The following DLGAP1 variants were observed in gnomAD, a reference collection of about 807,000 sequenced individuals.
The protein encoded by DLGAP1 is DLG associated protein 1.
A neutral mutation model predicts 90.8 loss-of-function variants in DLGAP1; 11 were observed. That is an observed-to-expected ratio of 0.12 (90% CI 0.08 to 0.20). DLGAP1 has a LOEUF of 0.20. Ranked by LOEUF, DLGAP1 falls within the 10% of genes least tolerant of loss-of-function variation. DLGAP1 has a pLI of 1.00. For synonymous variants in DLGAP1, 558 were observed against 540.7 expected (o/e 1.03, Z -0.44); for missense variants, 1,050 against 1,333.8 (o/e 0.79, Z 3.31).
intron 1 of DLGAP1, among the ~76,000 whole-genome samples, chr18:4,344,327 C>T (rs1465433570): frequency 6.6e-6 from 1 of 151,910 alleles, no homozygotes; most frequent in East Asian, 1.9e-4. Context: ...GTAATTTGAC[C>T]AATATCGCGA....
chr18:4,436,213 T>TC, intron 1 of DLGAP1, among the ~76,000 whole-genome samples: 1 of 152,140 alleles, frequency 6.6e-6, no homozygotes, highest in East Asian at 1.9e-4. Flanking sequence ...CTTTTTTCTT[T>TC]TTTTTCTCAT....
chr18:4,137,122 T>G (rs2076417417), intron 2 of DLGAP1, among the ~76,000 whole-genome samples: 1 of 152,136 alleles, frequency 6.6e-6, no homozygotes, highest in African/African-American at 2.4e-5. Context: ...CATTGTTGAA[T>G]TCCCACCTAT....
intron 1 of DLGAP1, among the ~76,000 whole-genome samples, chr18:4,252,701 C>T (rs1045187939): frequency 3.3e-5 from 5 of 152,066 alleles, no homozygotes; most frequent in South Asian, 2.1e-4. Flanking sequence ...CAATTTCGAC[C>T]GTAATAATTT....
intron 3 of DLGAP1, among the ~76,000 whole-genome samples, chr18:3,897,560 T>G (rs376409896): frequency 1.3e-5 from 2 of 152,194 alleles, no homozygotes; most frequent in South Asian, 4.1e-4. Flanking sequence ...ATATTGTGTA[T>G]AAAATGTTGA....
intron 2 of DLGAP1, among the ~76,000 whole-genome samples, chr18:4,147,984 G>T (rs895391029): frequency 6.6e-6 from 1 of 152,180 alleles, no homozygotes; most frequent in African/African-American, 2.4e-5. Context: ...CAGAACAGGG[G>T]TGTCCGAGGG....
In DLGAP1 at chr18:3,502,478, T is replaced by G. The variant is rs2143626834; in HGVS notation, c.2724+15A>C. 1 of 1,613,988 alleles carries G rather than the reference T, an allele frequency of 6.2e-7. No individual in the cohort carries two copies. The highest frequency in any genetic ancestry group is 1.7e-5 in the Admixed American group (1 of 60,020). ...AGGTTTTTAAATGAACCATACAAAA[T>G]CTACATTGTTCTACCTTCTTGTCAA... On this transcript the variant is annotated intron_variant, in intron 12 of 12. Transcript: ENST00000315677.
rs77200416 is a variant in DLGAP1 at position 4,260,571 on chromosome 18, T to C, written c.-266-109284A>G. Reference sequence around the variant, plus strand: ...CATTTTAATTTATTATAACGAAAGATATATTAAATATAAATGAATATCTCA... The same window carrying C: ...CATTTTAATTTATTATAACGAAAGACATATTAAATATAAATGAATATCTCA... On this transcript the variant is annotated intron_variant, in intron 1 of 12. Transcript: ENST00000315677. Among the ~76,000 whole-genome samples the C allele has an allele frequency of 5.1e-3, 775 of 152,324 alleles. 7 individuals carry two copies. The highest frequency in any genetic ancestry group is 0.018 in the African/African-American group (740 of 41,572).
At chr18:3,874,282 G>A (rs1239526952) in intron 4 of DLGAP1, 3 of 1,548,410 alleles carry the variant, frequency 1.9e-6, no homozygotes, top group Admixed American at 2.0e-5. Flanking sequence ...GGTCTGTCTT[G>A]CTCTCTCTCT....
intron 1 of DLGAP1, among the ~76,000 whole-genome samples, chr18:4,322,854 AG>A (rs2080725200): frequency 6.9e-6 from 1 of 145,826 alleles, no homozygotes; most frequent in South Asian, 2.3e-4. Flanking sequence ...CCAGTTACTC[AG>A]GAGGCTGAGA....
intron 3 of DLGAP1, among the ~76,000 whole-genome samples, chr18:3,941,792 A>G (rs2072774584): frequency 1.3e-5 from 2 of 152,130 alleles, no homozygotes; most frequent in Admixed American, 6.5e-5. Context: ...AGTTCACTGC[A>G]GCCTCCACCT....
At chr18:4,336,264 A>G (rs2081065663) in intron 1 of DLGAP1, among the ~76,000 whole-genome samples, 1 of 152,228 alleles carries the variant, frequency 6.6e-6, no homozygotes, top group African/African-American at 2.4e-5. Flanking sequence ...TTCCAGGTTG[A>G]CCAATCATAT....
At chr18:4,452,702 G>A (rs1230841251) in intron 1 of DLGAP1, among the ~76,000 whole-genome samples, 2 of 152,086 alleles carry the variant, frequency 1.3e-5, no homozygotes, top group Non-Finnish European at 1.5e-5. Flanking sequence ...TTCACTAATC[G>A]CTAATATGCT....
At chr18:4,061,639 T>G (rs2143296716) in intron 2 of DLGAP1, among the ~76,000 whole-genome samples, 1 of 152,292 alleles carries the variant, frequency 6.6e-6, no homozygotes, top group Middle Eastern at 3.4e-3. Context: ...CATGCAAAGG[T>G]ACAATTTGGA....
chr18:4,348,266 A>G (rs1466123643), intron 1 of DLGAP1, among the ~76,000 whole-genome samples: 6 of 152,114 alleles, frequency 3.9e-5, no homozygotes, highest in Admixed American at 3.3e-4. Context: ...GAAGTTTCTC[A>G]ATGTTAAAAA....
At chr18:4,253,479 C>T (rs1485262472) in intron 1 of DLGAP1, among the ~76,000 whole-genome samples, 1 of 152,160 alleles carries the variant, frequency 6.6e-6, no homozygotes, top group East Asian at 1.9e-4. Context: ...GGCACAATCT[C>T]TGCTCACTGC....
At chr18:3,676,992 G>A (rs1729329681) in intron 7 of DLGAP1, among the ~76,000 whole-genome samples, 1 of 151,962 alleles carries the variant, frequency 6.6e-6, no homozygotes, top group African/African-American at 2.4e-5. Context: ...TTATTTTGAG[G>A]CTAATTCCAC....
At chr18:3,686,696 A>C (rs1033265645) in intron 7 of DLGAP1, among the ~76,000 whole-genome samples, 3 of 152,164 alleles carry the variant, frequency 2.0e-5, no homozygotes, top group Non-Finnish European at 4.4e-5. Context: ...AAAATCTATA[A>C]AGTAGGGTGC....
chr18:3,862,184 A>T (rs1037685451), intron 4 of DLGAP1, among the ~76,000 whole-genome samples: 1 of 152,152 alleles, frequency 6.6e-6, no homozygotes, highest in African/African-American at 2.4e-5. Context: ...GGTAGACAGG[A>T]GTCTTTTGGG....
chr18:4,183,072 C>G (rs1025758739), intron 1 of DLGAP1, among the ~76,000 whole-genome samples: 1 of 152,076 alleles, frequency 6.6e-6, no homozygotes, highest in Non-Finnish European at 1.5e-5. Flanking sequence ...GCTACCAAAA[C>G]AGACCATCAG....
Sources: allele counts gnomAD v4.1 joint callset (sites outside exome capture counted in the v4.1 genomes callset), GRCh38; gene constraint gnomAD v4.1.1; transcripts MANE v1.5; gene names NCBI Gene and HGNC (gene_info 2026-07-23, HGNC 2026-07-21).